Variants in CRTAM observed in about 807,000 individuals in gnomAD.
CRTAM encodes cytotoxic and regulatory T cell molecule.
Under a neutral mutation model 50.0 loss-of-function variants are expected in CRTAM, and 44 were observed. That is an observed-to-expected ratio of 0.88 (90% CI 0.69 to 1.13). CRTAM has a LOEUF of 1.13. Ranked by LOEUF, CRTAM falls within the 50% of genes most tolerant of loss-of-function variation. The pLI is 0.00. For synonymous variants in CRTAM, 159 were observed against 169.3 expected (o/e 0.94, Z 0.47); for missense variants, 448 against 457.5 (o/e 0.98, Z 0.19).
At chr11:122,868,912 G>A (rs1862218256) in intron 9 of CRTAM, among the ~76,000 whole-genome samples, 1 of 152,136 alleles carries the variant, frequency 6.6e-6, no homozygotes, top group Non-Finnish European at 1.5e-5. Context: ...GGGAGGCTGA[G>A]GCAGGAGAAT....
rs749087947 is a variant in CRTAM, at chr11:122,871,406, C to G, written c.*7C>G. On this transcript the variant is annotated 3_prime_UTR_variant, in exon 10 of 10. Coordinates refer to ENST00000227348, the MANE Select transcript of CRTAM (RefSeq NM_019604.4). Reference sequence around the variant, plus strand: ...ACCAGAGAGTATTGTGTAGTGCTCTCTGCAATGGAACATGTGATTTCAGGG... The same window carrying G: ...ACCAGAGAGTATTGTGTAGTGCTCTGTGCAATGGAACATGTGATTTCAGGG... 1.2e-6 allele frequency: 2 copies of G among 1,607,100 alleles called. No homozygotes were observed. Among genetic ancestry groups the G allele is most frequent in the Non-Finnish European group, 1.7e-6 (2 of 1,176,706 alleles).
rs1375524225 is a variant in CRTAM at position 122,855,779 on chromosome 11, C to G, written c.575C>G (p.Ser192Ter). Residue 192 changes from serine (S) to a stop codon, truncating the protein, a stop_gained, in exon 5 of 10, where the codon TCA becomes TGA. Coordinates refer to ENST00000227348, the MANE Select transcript of CRTAM (RefSeq NM_019604.4). LOFTEE classifies it high-confidence loss of function. ...TLIIHTYGKN[S>*]TVDCIIRHRG... ...ATAATCCACACTTATGGCAAAAATT[C>G]AACGGTGGACTGCATTATCCGACAC... 1 of 1,613,824 alleles carries G rather than the reference C, an allele frequency of 6.2e-7. No individual in the cohort carries two copies. Among genetic ancestry groups the G allele is most frequent in the Non-Finnish European group, 8.5e-7 (1 of 1,179,820 alleles).
intron 6 of CRTAM, among the ~76,000 whole-genome samples, chr11:122,863,389 T>G (rs1862125167): frequency 6.6e-6 from 1 of 150,430 alleles, no homozygotes; most frequent in Non-Finnish European, 1.5e-5. Context: ...AAGAAAGAAT[T>G]GGTTATGGTG....
At chr11:122,841,281 A>C (rs2177194) in intron 1 of CRTAM, among the ~76,000 whole-genome samples, 9,082 of 152,236 alleles carry the variant, frequency 0.06, 575 homozygotes, top group East Asian at 0.32. Context: ...CTGATTTGAG[A>C]ATTAATGCAT....
chr11:122,866,224 T>C (rs993903893), intron 7 of CRTAM, among the ~76,000 whole-genome samples: 29 of 152,116 alleles, frequency 1.9e-4, no homozygotes, highest in African/African-American at 7.0e-4. Context: ...CCTGCCCTTG[T>C]TTATCCTCAC....
intron 5 of CRTAM, chr11:122,862,226 C>T: frequency 1.9e-6 from 1 of 530,594 alleles, no homozygotes; most frequent in Non-Finnish European, 3.4e-6. Context: ...CCTACCACTG[C>T]CACCACACAG....
chr11:122,850,343 C>T lies in CRTAM; in HGVS notation c.193+129C>T, dbSNP rs547020317. On this transcript the variant is annotated intron_variant, in intron 2 of 9. Coordinates refer to ENST00000227348, the MANE Select transcript of CRTAM (RefSeq NM_019604.4). Reference sequence around the variant, plus strand: ...GGTGGGCTCAGCCCACCTACTGTTACACATGAATCACGCCTCCAAATCCTG... The same window carrying T: ...GGTGGGCTCAGCCCACCTACTGTTATACATGAATCACGCCTCCAAATCCTG... 207 of 823,996 alleles carry T rather than the reference C, an allele frequency of 2.5e-4. 4 individuals are homozygous for T. The South Asian group carries it at 4.6e-3, about 18-fold the overall frequency. The allele number at this position is 823,996 out of a possible 1,614,324, so 51.0% of individuals were successfully genotyped here.
chr11:122,853,832 A>G (rs1591351825), intron 3 of CRTAM, 111 bp from the exon 4 acceptor site: 2 of 940,172 alleles, frequency 2.1e-6, no homozygotes, highest in Non-Finnish European at 3.0e-6. Context: ...AAGAAAGCCC[A>G]TTAATTAGAG....
intron 5 of CRTAM, among the ~76,000 whole-genome samples, chr11:122,857,326 G>A (rs1430290899): frequency 6.6e-6 from 1 of 152,140 alleles, no homozygotes; most frequent in African/African-American, 2.4e-5. Context: ...AAAATCAGCT[G>A]GGCATGATTG....
At position 122,871,370 on chromosome 11, in the gene CRTAM, C is replaced by T; in HGVS notation, c.1153C>T (p.His385Tyr). ...ACAACATTCAAAATTAGAAGAAAAG[C>T]ACATCCAAGTACCAGAGAGTATTGT... ...NVQHSKLEEK[H>Y]IQVPESIV The change falls in exon 10 of 10, where the codon CAC becomes TAC. Residue 385 changes from histidine (H) to tyrosine (Y), a missense_variant. Coordinates refer to ENST00000227348, the MANE Select transcript of CRTAM (RefSeq NM_019604.4). The T allele has an allele frequency of 1.2e-6, 2 of 1,613,630 alleles. No individual in the cohort carries two copies. The highest frequency in any genetic ancestry group is 1.7e-6 in the Non-Finnish European group (2 of 1,179,742).
intron 9 of CRTAM, among the ~76,000 whole-genome samples, chr11:122,868,879 G>T (rs1862217678): frequency 6.6e-6 from 1 of 152,066 alleles, no homozygotes. Context: ...CATGGTGGCA[G>T]GAGCCTGTAG....
At chr11:122,848,114 G>A (rs1861888220) in intron 1 of CRTAM, among the ~76,000 whole-genome samples, 1 of 152,164 alleles carries the variant, frequency 6.6e-6, no homozygotes, top group South Asian at 2.1e-4. Flanking sequence ...TGATGCGTGG[G>A]CCCCACCACG....
chr11:122,863,867 T>G (rs1287388274), intron 6 of CRTAM, among the ~76,000 whole-genome samples: 1 of 152,120 alleles, frequency 6.6e-6, no homozygotes, highest in Non-Finnish European at 1.5e-5. Flanking sequence ...TTAATACCCA[T>G]TTTCAATAGA....
At chr11:122,850,781 G>A (rs1280711036) in intron 2 of CRTAM, among the ~76,000 whole-genome samples, 1 of 152,212 alleles carries the variant, frequency 6.6e-6, no homozygotes, top group Non-Finnish European at 1.5e-5. Context: ...CACACATGAA[G>A]AAAGTACAAG....
intron 2 of CRTAM, 43 bp downstream of exon 2, chr11:122,850,257 C>T: frequency 6.5e-7 from 1 of 1,540,282 alleles, no homozygotes; most frequent in Non-Finnish European, 8.8e-7. Context: ...AGACCTTAAC[C>T]TGAGGGTTTT....
chr11:122,862,223 C>T (rs1453441883), intron 5 of CRTAM: 2 of 527,424 alleles, frequency 3.8e-6, no homozygotes, highest in East Asian at 2.9e-5. Context: ...TTGCCTACCA[C>T]TGCCACCACA....
chr11:122,841,878 A>G (rs3107634), intron 1 of CRTAM, among the ~76,000 whole-genome samples: 3 of 152,004 alleles, frequency 2.0e-5, no homozygotes, highest in African/African-American at 7.2e-5. Context: ...ATATCTCAAG[A>G]CTTTGGGAAA....
At chr11:122,855,670 A>G in intron 4 of CRTAM, 25 bp from the exon 5 acceptor site, 1 of 1,611,228 alleles carries the variant, frequency 6.2e-7, no homozygotes, top group East Asian at 2.2e-5. Flanking sequence ...TTAAATAGCC[A>G]TAACCTCTTC....
intron 1 of CRTAM, among the ~76,000 whole-genome samples, chr11:122,844,755 T>G (rs1861842053): frequency 6.6e-6 from 1 of 152,216 alleles, no homozygotes. Context: ...AGTAAAACAG[T>G]AAGCATCACA....
Sources: gnomAD v4.1 joint callset for allele counts (sites outside exome capture counted in the v4.1 genomes callset) on GRCh38, gnomAD v4.1.1 for gene constraint, MANE v1.5 for transcripts, NCBI Gene and HGNC (gene_info 2026-07-23, HGNC 2026-07-21) for gene names.